Variants in NUDT5 observed in about 807,000 individuals in gnomAD.
The protein encoded by NUDT5 is ADP-sugar pyrophosphatase.
Under a neutral mutation model 34.1 loss-of-function variants are expected in NUDT5, and 21 were observed. The ratio of observed to expected loss-of-function variants is 0.62; its 90% CI spans 0.44 to 0.89. The LOEUF (loss-of-function observed/expected upper bound fraction) is 0.89. NUDT5 is among the 40% of genes least tolerant of loss of function. The probability of loss-of-function intolerance (pLI) is 0.00; values close to 1 mark genes in which losing one functional copy is unlikely to be tolerated. For missense variants in NUDT5, 249 were observed against 274.8 expected (o/e 0.91, Z 0.66); for synonymous variants, 85 against 97.6 (o/e 0.87, Z 0.76).
Position 12,181,175 on chromosome 10 carries a change from AAT to A in NUDT5, c.132-2045_132-2044del. ...TTTTTCTTGCCATTATTCCCTAAAC[AAT>A]AGAGTACGACTGTTGACACAGCATT... On this transcript the variant is annotated intron_variant, in intron 3 of 9. Transcript: ENST00000491614. This position sits in a 1 kb window ranked among gnomAD's most constrained non-coding sequence, Gnocchi z 5.0. 6.6e-6 allele frequency among the ~76,000 whole-genome samples: 1 copy of A among 152,334 alleles called. No homozygotes were observed. The highest frequency in any genetic ancestry group is 2.4e-5 in the African/African-American group (1 of 41,574).
rs545097342 is a variant in NUDT5 at position 12,166,904 on chromosome 10, T to A, written c.*798A>T. 15 of 329,322 alleles carry A rather than the reference T, an allele frequency of 4.6e-5. No homozygotes were observed. The highest frequency in any genetic ancestry group is 3.0e-4 in the African/African-American group (14 of 45,958). 20.4% of individuals were successfully genotyped at this position (329,322 alleles called of 1,614,324 possible). A position where few individuals can be genotyped will look rare whatever the true frequency, so the allele number is the denominator to read the frequency against. The stretch of plus-strand genomic sequence containing the variant: ...TCTGTATTGGGTTTCAGGTACTGGC[T>A]GATCTTGCTGGTTCTGTTCATGGTT... On this transcript the variant is annotated 3_prime_UTR_variant, in exon 10 of 10. Coordinates refer to ENST00000491614, the MANE Select transcript of NUDT5 (RefSeq NM_014142.4).
At chr10:12,179,738 A>T (rs1835015408) in intron 3 of NUDT5, among the ~76,000 whole-genome samples, 1 of 152,156 alleles carries the variant, frequency 6.6e-6, no homozygotes, top group South Asian at 2.1e-4. Context: ...GCTCTCTTGT[A>T]TGGCTTTATT....
At chr10:12,184,568 G>T (rs960163927) in intron 3 of NUDT5, 1 of 1,492,380 alleles carries the variant, frequency 6.7e-7, no homozygotes, top group South Asian at 1.2e-5. Flanking sequence ...TTACTAGAAG[G>T]AAGCAACATG....
Position 12,170,815 on chromosome 10 carries a change from C to T in NUDT5, c.497-45G>A. 5 of 1,612,944 alleles carry T rather than the reference C, an allele frequency of 3.1e-6. No homozygotes were observed. The highest frequency in any genetic ancestry group is 3.4e-6 in the Non-Finnish European group (4 of 1,178,944). On this transcript the variant is annotated intron_variant, in intron 8 of 9. Coordinates refer to ENST00000491614, the MANE Select transcript of NUDT5 (RefSeq NM_014142.4). The surrounding 1 kb of genome is among the most constrained non-coding windows in gnomAD (Gnocchi z 4.9). ...GTGAAAACAAAGCTAACGTCAAGAG[C>T]CTACCAAAACAACCCAAAATGTCTG...
chr10:12,191,806 A>T (rs1406826894), intron 1 of NUDT5, among the ~76,000 whole-genome samples: 1 of 152,232 alleles, frequency 6.6e-6, no homozygotes, highest in Non-Finnish European at 1.5e-5. Context: ...GGAAGTGATT[A>T]ATTTTTCACC....
intron 1 of NUDT5, among the ~76,000 whole-genome samples, chr10:12,189,700 G>A (rs1406708725): frequency 2.0e-5 from 3 of 152,152 alleles, no homozygotes; most frequent in Non-Finnish European, 2.9e-5. Flanking sequence ...TTTAAATTCC[G>A]TGCTTTGTAA....
chr10:12,192,884 C>A (rs141749710), intron 1 of NUDT5, among the ~76,000 whole-genome samples: 1 of 152,142 alleles, frequency 6.6e-6, no homozygotes, highest in African/African-American at 2.4e-5. Context: ...TCTGATGTAT[C>A]CTTCTTTTGT....
At chr10:12,185,822 T>C (rs1835117398) in intron 2 of NUDT5, among the ~76,000 whole-genome samples, 1 of 152,248 alleles carries the variant, frequency 6.6e-6, no homozygotes, top group African/African-American at 2.4e-5. Flanking sequence ...ACATTGGTTC[T>C]AGAATTCACT....
intron 1 of NUDT5, among the ~76,000 whole-genome samples, chr10:12,190,022 T>C (rs1835196057): frequency 6.6e-6 from 1 of 151,822 alleles, no homozygotes; most frequent in African/African-American, 2.4e-5. Flanking sequence ...GCCTCCCAAG[T>C]AGCTGGGATT....
At chr10:12,184,240 T>G (rs1835088292) in intron 3 of NUDT5, among the ~76,000 whole-genome samples, 1 of 152,064 alleles carries the variant, frequency 6.6e-6, no homozygotes, top group African/African-American at 2.4e-5. Flanking sequence ...AGAGATGGGG[T>G]TTCGCCATGT....
rs183778706 is a variant in NUDT5, at chr10:12,178,946, A to G, written c.181+137T>C. 5,410 of 733,702 alleles carry G rather than the reference A, an allele frequency of 7.4e-3. 49 individuals carry two copies. The highest frequency in any genetic ancestry group is 0.036 in the Middle Eastern group (154 of 4,238). The allele number at this position is 733,702 out of a possible 1,614,324, so 45.4% of individuals were successfully genotyped here. On this transcript the variant is annotated intron_variant, in intron 4 of 9. Coordinates refer to ENST00000491614, the MANE Select transcript of NUDT5 (RefSeq NM_014142.4). ...TATAAAGAAAGCTTAATTTCGTTAC[A>G]TAGTATGGCAAAACCTAAGCGGAGA... is the stretch of plus-strand genomic sequence containing the variant.
Position 12,181,281 on chromosome 10 carries a change from C to A in NUDT5, c.132-2149G>T, listed in dbSNP as rs1297519704. 6.6e-6 allele frequency among the ~76,000 whole-genome samples: 1 copy of A among 152,168 alleles called. No individual in the cohort carries two copies. Among genetic ancestry groups the A allele is most frequent in the Non-Finnish European group, 1.5e-5 (1 of 68,038 alleles). ...TGCATAGGTTAGAGGCAAATACATA[C>A]TGAGTATCTGCATTTTCATATCAGG... On this transcript the variant is annotated intron_variant, in intron 3 of 9. Transcript: ENST00000491614. The surrounding 1 kb of genome is among the most constrained non-coding windows in gnomAD (Gnocchi z 5.0).
At chr10:12,193,499 T>A (rs1260865466) in intron 1 of NUDT5, among the ~76,000 whole-genome samples, 1 of 152,186 alleles carries the variant, frequency 6.6e-6, no homozygotes, top group Admixed American at 6.5e-5. Context: ...AGCAAATATT[T>A]CCACTGTTGA....
chr10:12,191,644 G>A (rs945137372), intron 1 of NUDT5, among the ~76,000 whole-genome samples: 1 of 152,170 alleles, frequency 6.6e-6, no homozygotes, highest in South Asian at 2.1e-4. Flanking sequence ...CCGGCTACTT[G>A]TGGAGGCTGA....
At chr10:12,167,851 A>G (rs746190429) in intron 9 of NUDT5, 40 bp from the exon 10 acceptor site, 2 of 1,610,418 alleles carry the variant, frequency 1.2e-6, no homozygotes, top group Non-Finnish European at 1.7e-6. Flanking sequence ...CATGCCGTTA[A>G]GGAAGGACAA....
Position 12,165,950 on chromosome 10 carries a change from A to C in NUDT5, c.*1752T>G, listed in dbSNP as rs1459978214. 6.6e-6 allele frequency: 1 copy of C among 150,894 alleles called. No individual in the cohort carries two copies. The highest frequency in any genetic ancestry group is 1.5e-5 in the Non-Finnish European group (1 of 67,088). 9.3% of individuals were successfully genotyped at this position (150,894 alleles called of 1,614,324 possible). ...TTAAGAAGGTGGAAATATGGCTTTT[A>C]ATACATAGGAAACCTTCAGTTTTTA... is the stretch of plus-strand genomic sequence containing the variant. On this transcript the variant is annotated 3_prime_UTR_variant, in exon 10 of 10. Transcript: ENST00000491614.
At chr10:12,185,696 G>A (rs752299462) in intron 2 of NUDT5, among the ~76,000 whole-genome samples, 3 of 152,146 alleles carry the variant, frequency 2.0e-5, no homozygotes, top group Non-Finnish European at 4.4e-5. Context: ...AAACCAAAAG[G>A]AATTCCAGAA....
At chr10:12,183,837 A>G (rs917650250) in intron 3 of NUDT5, among the ~76,000 whole-genome samples, 2 of 152,144 alleles carry the variant, frequency 1.3e-5, no homozygotes, top group African/African-American at 4.8e-5. Context: ...TTTGTTATCA[A>G]CTTAGGAGCT....
At chr10:12,178,763 A>T (rs1260938357) in intron 4 of NUDT5, among the ~76,000 whole-genome samples, 2 of 152,212 alleles carry the variant, frequency 1.3e-5, no homozygotes, top group African/African-American at 2.4e-5. Flanking sequence ...TCTCATCTAG[A>T]TCCTTCCAAC....
Sources: gnomAD v4.1 joint callset for allele counts (sites outside exome capture counted in the v4.1 genomes callset) on GRCh38, gnomAD v4.1.1 for gene constraint, Gnocchi (gnomAD v3.1) non-coding constraint, MANE v1.5 for transcripts, NCBI Gene and HGNC (gene_info 2026-07-23, HGNC 2026-07-21) for gene names.